The following TSPAN33 variants were observed in gnomAD, a reference collection of about 807,000 sequenced individuals.
TSPAN33 encodes tetraspanin-33.
Under a neutral mutation model 34.8 loss-of-function variants are expected in TSPAN33, and 27 were observed. The observed-to-expected ratio is 0.78, with a 90% CI of 0.57 to 1.07. TSPAN33 has a LOEUF of 1.07. TSPAN33 is among the 50% of genes least tolerant of loss of function. The probability of loss-of-function intolerance (pLI) is 0.00; values close to 1 mark genes in which losing one functional copy is unlikely to be tolerated. For synonymous variants in TSPAN33, 119 were observed against 124.2 expected (o/e 0.96, Z 0.28); for missense variants, 272 against 324.9 (o/e 0.84, Z 1.25).
chr7:129,156,514 C>T (rs1810666451), intron 1 of TSPAN33, among the ~76,000 whole-genome samples: 1 of 152,182 alleles, frequency 6.6e-6, no homozygotes, highest in Admixed American at 6.5e-5. Context: ...GGAGATTTGT[C>T]TTTTCTCTGC....
Position 129,166,944 on chromosome 7 carries a change from G to A in TSPAN33, c.588+38G>A, listed in dbSNP as rs746708424. ...CCTGCCTCATTTCCTCCTAGGCAGC[G>A]AGCTGAGTCACTTTCTGATGGGGGC... On this transcript the variant is annotated intron_variant, in intron 6 of 7. Transcript: ENST00000486685. 1.8e-5 allele frequency: 28 copies of A among 1,599,680 alleles called. No homozygotes were observed. In the Admixed American group the frequency reaches 2.9e-4, roughly 16 times the overall value.
Position 129,166,809 on chromosome 7 carries a change from A to T in TSPAN33, c.491A>T (p.Asp164Val). The T allele has an allele frequency of 6.2e-7, 1 of 1,614,138 alleles. No homozygotes were observed. The highest frequency in any genetic ancestry group is 8.5e-7 in the Non-Finnish European group (1 of 1,180,010). The change falls in exon 6 of 8, where the codon GAC becomes GTC. Residue 164 changes from aspartate to valine, a missense_variant. Transcript: ENST00000486685. The part of the protein sequence containing the change: ...FSCCGGISYK[D>V]WSQNMYFNCS... ...TGCTGTGGAGGGATTTCCTACAAGGACTGGTCTCAGAACATGTATTTCAAC... is the reference window on the plus strand; with the variant it reads ...TGCTGTGGAGGGATTTCCTACAAGGTCTGGTCTCAGAACATGTATTTCAAC...
rs1793203578 is a variant in TSPAN33 at position 129,169,666 on chromosome 7, A to G, written c.*1792A>G. On this transcript the variant is annotated 3_prime_UTR_variant, in exon 8 of 8. Coordinates refer to ENST00000486685, the MANE Select transcript of TSPAN33 (RefSeq NM_178562.5). The stretch of plus-strand genomic sequence containing the variant: ...CTCCCAACTAGTAACAGACGGAAAG[A>G]AAAAATAAAATTATCCAGAATCTAG... The G allele has an allele frequency of 6.6e-6, 1 of 152,268 alleles. No homozygotes were observed. Among genetic ancestry groups the G allele is most frequent in the Non-Finnish European group, 1.5e-5 (1 of 68,044 alleles). The allele number at this position is 152,268 out of a possible 1,614,324, so 9.4% of individuals were successfully genotyped here. A position where few individuals can be genotyped will look rare whatever the true frequency, so the allele number is the denominator to read the frequency against.
At chr7:129,159,696 A>G (rs971636259) in intron 1 of TSPAN33, among the ~76,000 whole-genome samples, 3 of 152,186 alleles carry the variant, frequency 2.0e-5, no homozygotes, top group African/African-American at 7.2e-5. Flanking sequence ...AATGACTGGC[A>G]TCTCTGTCAT....
intron 5 of TSPAN33, 62 bp from the exon 6 acceptor site, chr7:129,166,716 T>TC (rs1409658867): frequency 1.3e-6 from 2 of 1,577,792 alleles, no homozygotes; most frequent in African/African-American, 1.4e-5. Context: ...CTCTGAGAAT[T>TC]CCCCTGGTCA....
intron 5 of TSPAN33, 161 bp from the exon 6 acceptor site, chr7:129,166,617 G>T (rs181026439): frequency 1.4e-6 from 1 of 725,072 alleles, no homozygotes; most frequent in Non-Finnish European, 2.2e-6. Flanking sequence ...TCAGGCGAAG[G>T]CAACTGGGAA....
chr7:129,160,383 C>A (rs1330309322), intron 1 of TSPAN33, among the ~76,000 whole-genome samples: 2 of 152,170 alleles, frequency 1.3e-5, no homozygotes, highest in African/African-American at 4.8e-5. Flanking sequence ...CAGAGCTTGG[C>A]CCCATCTGTT....
intron 1 of TSPAN33, among the ~76,000 whole-genome samples, chr7:129,152,547 T>G (rs117418011): frequency 0.021 from 3,130 of 152,080 alleles, 52 homozygotes; most frequent in Non-Finnish European, 0.033. Context: ...ATTAGCTTGT[T>G]GTGGTGGCAT....
At chr7:129,147,429 A>T (rs560458593) in intron 1 of TSPAN33, among the ~76,000 whole-genome samples, 1 of 152,234 alleles carries the variant, frequency 6.6e-6, no homozygotes, top group Non-Finnish European at 1.5e-5. Flanking sequence ...AGTACTTTTC[A>T]GGTGTTATTG....
At chr7:129,164,702 A>C in intron 5 of TSPAN33, 133 bp downstream of exon 5, 1 of 769,700 alleles carries the variant, frequency 1.3e-6, no homozygotes, top group Non-Finnish European at 2.3e-6. Flanking sequence ...GTTTGGCAAA[A>C]AAGCACACGT....
intron 1 of TSPAN33, among the ~76,000 whole-genome samples, chr7:129,150,054 G>A (rs896759999): frequency 6.6e-6 from 1 of 152,194 alleles, no homozygotes; most frequent in South Asian, 2.1e-4. Flanking sequence ...GCAGGGACAG[G>A]GTTTTGATTG....
chr7:129,167,914 C>G lies in TSPAN33; in HGVS notation c.*40C>G, dbSNP rs771997909. 2.5e-6 allele frequency: 4 copies of G among 1,607,038 alleles called. No individual in the cohort carries two copies. The African/African-American group carries it at 4.0e-5, about 16-fold the overall frequency. ...CCTCCTCACCATGGAAACTGGCAAGCCTCATAAACGAACAGCAGTGGGTGC... is the reference window on the plus strand; with the variant it reads ...CCTCCTCACCATGGAAACTGGCAAGGCTCATAAACGAACAGCAGTGGGTGC... On this transcript the variant is annotated 3_prime_UTR_variant, in exon 8 of 8. Transcript: ENST00000486685. The surrounding 1 kb of genome is among the most constrained non-coding windows in gnomAD (Gnocchi z 4.6).
In TSPAN33 at chr7:129,167,109, ATTTAAGT is replaced by A. The variant is rs551952585; in HGVS notation, c.588+212_588+218del. On this transcript the variant is annotated intron_variant, in intron 6 of 7. Coordinates refer to ENST00000486685, the MANE Select transcript of TSPAN33 (RefSeq NM_178562.5). This position sits in a 1 kb window ranked among gnomAD's most constrained non-coding sequence, Gnocchi z 4.6. ...TCCACATGGAGTTCAGAAGGGACAGATTTAAGTTTTAAGTTCAGATTCAGTACCTGTG... is the reference window on the plus strand; with the variant it reads ...TCCACATGGAGTTCAGAAGGGACAGATTTAAGTTCAGATTCAGTACCTGTG... Among the ~76,000 whole-genome samples the A allele has an allele frequency of 3.2e-4, 48 of 152,338 alleles. No individual in the cohort carries two copies. Among genetic ancestry groups the A allele is most frequent in the African/African-American group, 9.9e-4 (41 of 41,590 alleles).
At position 129,164,719 on chromosome 7, in the gene TSPAN33, G is replaced by GA. The variant is rs1272016348; in HGVS notation, c.459+150_459+151insA. 10 of 675,644 alleles carry GA rather than the reference G, an allele frequency of 1.5e-5. No individual in the cohort carries two copies. In the African/African-American group the frequency reaches 1.6e-4, roughly 11 times the overall value. The allele number at this position is 675,644 out of a possible 1,614,324, so 41.9% of individuals were successfully genotyped here. On this transcript the variant is annotated intron_variant, in intron 5 of 7. Coordinates refer to ENST00000486685, the MANE Select transcript of TSPAN33 (RefSeq NM_178562.5). ...TTGGCAAAAAAGCACACGTAGCAGA[G>GA]TGCTTTAAATGTACTTTTAAAGACA...
chr7:129,145,134 GA>G, intron 1 of TSPAN33, 52 bp downstream of exon 1: 1 of 625,768 alleles, frequency 1.6e-6, no homozygotes, highest in Non-Finnish European at 2.9e-6. Context: ...CCGCGGGGTG[GA>G]AGGGTGGCCC....
chr7:129,166,594 A>C (rs1285247239), intron 5 of TSPAN33, 184 bp from the exon 6 acceptor site: 2 of 597,048 alleles, frequency 3.3e-6, no homozygotes, highest in African/African-American at 3.7e-5. Context: ...GAAATTAAGA[A>C]GTGAGAATAT....
chr7:129,156,401 A>G (rs569514476), intron 1 of TSPAN33, among the ~76,000 whole-genome samples: 22 of 152,262 alleles, frequency 1.4e-4, no homozygotes, highest in Admixed American at 1.4e-3. Context: ...TGCTCTTTGG[A>G]AGAAAGTCAC....
chr7:129,168,276 C>G lies in TSPAN33; in HGVS notation c.*402C>G, dbSNP rs888155096. The G allele has an allele frequency of 5.2e-6, 1 of 193,278 alleles. No individual in the cohort carries two copies. The highest frequency in any genetic ancestry group is 2.3e-5 in the African/African-American group (1 of 42,962). 12.0% of individuals were successfully genotyped at this position (193,278 alleles called of 1,614,324 possible). A position where few individuals can be genotyped will look rare whatever the true frequency, so the allele number is the denominator to read the frequency against. Reference sequence around the variant, plus strand: ...TTAGATCCTAACGTGCCAGTGAGACCTGGCTGTGGAGAGTAGCACTGGCAG... The same window carrying G: ...TTAGATCCTAACGTGCCAGTGAGACGTGGCTGTGGAGAGTAGCACTGGCAG... On this transcript the variant is annotated 3_prime_UTR_variant, in exon 8 of 8. Coordinates refer to ENST00000486685, the MANE Select transcript of TSPAN33 (RefSeq NM_178562.5).
In TSPAN33 at chr7:129,167,884, C is replaced by T. The variant is rs1260173398; in HGVS notation, c.*10C>T. 1.2e-6 allele frequency: 2 copies of T among 1,613,432 alleles called. No individual in the cohort carries two copies. Among genetic ancestry groups the T allele is most frequent in the Admixed American group, 1.7e-5 (1 of 59,922 alleles). On this transcript the variant is annotated 3_prime_UTR_variant, in exon 8 of 8. Coordinates refer to ENST00000486685, the MANE Select transcript of TSPAN33 (RefSeq NM_178562.5). The surrounding 1 kb of genome is among the most constrained non-coding windows in gnomAD (Gnocchi z 4.6). ...TGACCCATGGTACTGAGAATCCATC[C>T]TGCACCTCCTCACCATGGAAACTGG...
Sources: allele counts gnomAD v4.1 joint callset (sites outside exome capture counted in the v4.1 genomes callset), GRCh38; gene constraint gnomAD v4.1.1; non-coding constraint Gnocchi (gnomAD v3.1); transcripts MANE v1.5; gene names NCBI Gene and HGNC (gene_info 2026-07-23, HGNC 2026-07-21).